Variants in LHFPL2 observed in about 807,000 individuals in gnomAD.
LHFPL2 encodes LHFPL tetraspan subfamily member 2 protein.
Under a neutral mutation model 17.5 loss-of-function variants are expected in LHFPL2, and 7 were observed. That is an observed-to-expected ratio of 0.40 (90% confidence interval 0.23 to 0.75). The LOEUF is 0.75. Among genes scored for constraint, LHFPL2 ranks in the 30% least tolerant of loss-of-function variants. The pLI is 0.37. For synonymous variants in LHFPL2, 134 were observed against 116.2 expected, an observed-to-expected ratio of 1.15 and a Z score of -0.99; for missense variants, 241 against 294.8, an observed-to-expected ratio of 0.82 and a Z score of 1.34.
chr5:78,552,732 G>A (rs1330222664), intron 3 of LHFPL2, among the ~76,000 whole-genome samples: 2 of 152,218 alleles, frequency 1.3e-5, no homozygotes, highest in African/African-American at 2.4e-5. Flanking sequence ...AGATGCAGGG[G>A]ATGTAGCACA....
At chr5:78,537,469 A>G (rs772639404) in intron 3 of LHFPL2, among the ~76,000 whole-genome samples, 5 of 152,208 alleles carry the variant, frequency 3.3e-5, no homozygotes, top group Admixed American at 2.0e-4. Context: ...TTGCCCAATT[A>G]GAAAGATTAT....
At chr5:78,583,416 G>A (rs1279185901) in intron 2 of LHFPL2, among the ~76,000 whole-genome samples, 1 of 150,626 alleles carries the variant, frequency 6.6e-6, no homozygotes, top group African/African-American at 2.4e-5. Flanking sequence ...TGCAGCGGCT[G>A]GTACTGGTTG....
At chr5:78,574,204 AG>A (rs1350000529) in intron 2 of LHFPL2, among the ~76,000 whole-genome samples, 1 of 152,230 alleles carries the variant, frequency 6.6e-6, no homozygotes, top group African/African-American at 2.4e-5. Context: ...GTGGGCGTGA[AG>A]ATACTGGTCC....
chr5:78,607,820 T>TC (rs1263127798), intron 2 of LHFPL2, among the ~76,000 whole-genome samples: 1 of 152,222 alleles, frequency 6.6e-6, no homozygotes, highest in African/African-American at 2.4e-5. Flanking sequence ...TACCTATGCA[T>TC]CTTGCTTGTT....
intron 2 of LHFPL2, among the ~76,000 whole-genome samples, chr5:78,579,040 G>A (rs1757211394): frequency 6.6e-6 from 1 of 152,156 alleles, no homozygotes; most frequent in Admixed American, 6.5e-5. Flanking sequence ...CCGTCTAACA[G>A]GGATTATTAA....
rs959623244 is a variant in LHFPL2 at position 78,519,322 on chromosome 5, C to G, written c.-185-8924G>C. The stretch of plus-strand genomic sequence containing the variant: ...TCACAGTAAACCATTTCTCACAGCC[C>G]TGATCACTGCAGAGCAGTTCCTTTT... On this transcript the variant is annotated intron_variant, in intron 3 of 4. Transcript: ENST00000380345. Among the ~76,000 whole-genome samples, 8 of 152,330 alleles carry G rather than the reference C, an allele frequency of 5.3e-5. No individual in the cohort carries two copies. The East Asian group carries it at 7.7e-4, about 15-fold the overall frequency.
At chr5:78,519,659 G>A (rs1016388656) in intron 3 of LHFPL2, among the ~76,000 whole-genome samples, 2 of 152,202 alleles carry the variant, frequency 1.3e-5, no homozygotes, top group African/African-American at 4.8e-5. Context: ...ATGTTGTGAG[G>A]ATCAATTAAG....
intron 2 of LHFPL2, among the ~76,000 whole-genome samples, chr5:78,609,896 T>C (rs1744357855): frequency 6.6e-6 from 1 of 152,052 alleles, no homozygotes; most frequent in Non-Finnish European, 1.5e-5. Flanking sequence ...ATCCTTTATT[T>C]ATAGGATGAA....
chr5:78,501,559 G>A (rs1754774419), intron 4 of LHFPL2, among the ~76,000 whole-genome samples: 2 of 152,148 alleles, frequency 1.3e-5, no homozygotes, highest in African/African-American at 2.4e-5. Flanking sequence ...TTGGAGTCTA[G>A]GTCCAAACTT....
At chr5:78,506,246 C>T (rs914432221) in intron 4 of LHFPL2, among the ~76,000 whole-genome samples, 1 of 152,320 alleles carries the variant, frequency 6.6e-6, no homozygotes, top group East Asian at 1.9e-4. Context: ...GAAGGCTACA[C>T]AAGCCTGTGG....
At chr5:78,548,308 G>T (rs545942322) in intron 3 of LHFPL2, among the ~76,000 whole-genome samples, 1 of 152,246 alleles carries the variant, frequency 6.6e-6, no homozygotes, top group East Asian at 1.9e-4. Flanking sequence ...AGTGGATGTT[G>T]TATCCAAGGA....
intron 2 of LHFPL2, among the ~76,000 whole-genome samples, chr5:78,567,673 G>A (rs1756893651): frequency 6.6e-6 from 1 of 152,176 alleles, no homozygotes; most frequent in Admixed American, 6.5e-5. Flanking sequence ...TTTTAAGGAT[G>A]AGGAAGCAGG....
chr5:78,577,456 T>C (rs895784648), intron 2 of LHFPL2, among the ~76,000 whole-genome samples: 1 of 150,442 alleles, frequency 6.6e-6, no homozygotes, highest in African/African-American at 2.5e-5. Context: ...TCTCTCAACA[T>C]TTTTTTTAAG....
intron 1 of LHFPL2, among the ~76,000 whole-genome samples, chr5:78,638,081 G>C (rs1321535032): frequency 2.1e-4 from 32 of 152,182 alleles, no homozygotes; most frequent in Admixed American, 2.1e-3. Context: ...AGGGCCGGGC[G>C]TGGTGGCTTA....
At chr5:78,567,629 C>G (rs571011581) in intron 2 of LHFPL2, among the ~76,000 whole-genome samples, 17 of 152,140 alleles carry the variant, frequency 1.1e-4, no homozygotes, top group Admixed American at 3.9e-4. Context: ...TTTGCTTTCA[C>G]AAAACCCCTG....
chr5:78,606,783 T>C (rs1219533882), intron 2 of LHFPL2, among the ~76,000 whole-genome samples: 1 of 152,114 alleles, frequency 6.6e-6, no homozygotes, highest in African/African-American at 2.4e-5. Context: ...CAAGCAATTC[T>C]CCTGCCTCAG....
chr5:78,561,400 T>C (rs1756722798), intron 3 of LHFPL2, among the ~76,000 whole-genome samples: 1 of 152,206 alleles, frequency 6.6e-6, no homozygotes, highest in Admixed American at 6.5e-5. Context: ...CGCTTTCACT[T>C]TGCCCCTTCG....
intron 1 of LHFPL2, among the ~76,000 whole-genome samples, chr5:78,639,915 A>G (rs1266213225): frequency 6.6e-6 from 1 of 152,242 alleles, no homozygotes; most frequent in Non-Finnish European, 1.5e-5. Context: ...TGTGAATGCA[A>G]TTACAGCCTT....
chr5:78,535,387 C>A (rs775047051), intron 3 of LHFPL2, among the ~76,000 whole-genome samples: 12 of 152,200 alleles, frequency 7.9e-5, no homozygotes, highest in Non-Finnish European at 1.8e-4. Flanking sequence ...CATCTCACCC[C>A]CTGCTGCCTG....
Sources: allele counts gnomAD v4.1 joint callset (sites outside exome capture counted in the v4.1 genomes callset), GRCh38; gene constraint gnomAD v4.1.1; transcripts MANE v1.5; gene names NCBI Gene and HGNC (gene_info 2026-07-23, HGNC 2026-07-21).